Variants in BTRC observed in about 807,000 individuals in gnomAD.
The protein encoded by BTRC is beta-transducin repeat containing E3 ubiquitin protein ligase, also known as F-box/WD repeat-containing protein 1A.
A neutral mutation model predicts 85.5 loss-of-function variants in BTRC; 42 were observed. The observed-to-expected ratio is 0.49, with a 90% CI of 0.38 to 0.64. The LOEUF is 0.64. Ranked by LOEUF, BTRC falls within the 30% of genes least tolerant of loss-of-function variation. The pLI is 0.00. For missense variants in BTRC, 594 were observed against 743.5 expected (o/e 0.80, Z 2.34); for synonymous variants, 255 against 263.3 (o/e 0.97, Z 0.30).
chr10:101,536,623 A>T lies in BTRC; in HGVS notation c.1547A>T (p.Asn516Ile). The stretch of plus-strand genomic sequence containing the variant: ...TTGGTGCGTTGTATTCGATTTGATA[A>T]CAAGAGGATAGTCAGTGGGGCCTAT... ...EELVRCIRFD[N>I]KRIVSGAYDG... The change falls in exon 12 of 15, where the codon AAC (asparagine) becomes ATC (isoleucine). Residue 516 changes from asparagine (N) to isoleucine (I), a missense_variant. By Grantham distance (149) the Asn-to-Ile change is moderately radical. Coordinates refer to ENST00000370187, the MANE Select transcript of BTRC (RefSeq NM_033637.4). 1 of 1,613,694 alleles carries T rather than the reference A, an allele frequency of 6.2e-7. No individual in the cohort carries two copies. The highest frequency in any genetic ancestry group is 8.5e-7 in the Non-Finnish European group (1 of 1,179,620).
chr10:101,498,431 A>G (rs906536985), intron 4 of BTRC, among the ~76,000 whole-genome samples: 7 of 152,122 alleles, frequency 4.6e-5, no homozygotes, highest in African/African-American at 7.2e-5. Flanking sequence ...CTGTGATTAC[A>G]GGTGTGAGCC....
At chr10:101,419,604 G>A (rs67308822) in intron 1 of BTRC, among the ~76,000 whole-genome samples, 55,504 of 151,872 alleles carry the variant, frequency 0.37, 11,162 homozygotes, top group Middle Eastern at 0.48. Flanking sequence ...TCATCAAAGC[G>A]TGCAAACCAA....
At chr10:101,415,631 T>C (rs1943924781) in intron 1 of BTRC, among the ~76,000 whole-genome samples, 1 of 150,734 alleles carries the variant, frequency 6.6e-6, no homozygotes, top group Non-Finnish European at 1.5e-5. Flanking sequence ...AACCTCTGCC[T>C]CCTGAGTTCA....
chr10:101,546,567 A>G (rs1475791926), intron 13 of BTRC, among the ~76,000 whole-genome samples: 1 of 152,248 alleles, frequency 6.6e-6, no homozygotes, highest in Non-Finnish European at 1.5e-5. Flanking sequence ...AGGGAAATTT[A>G]TAGCACTGAA....
chr10:101,356,171 T>G (rs1942028205), intron 1 of BTRC, among the ~76,000 whole-genome samples: 2 of 152,146 alleles, frequency 1.3e-5, no homozygotes, highest in African/African-American at 4.8e-5. Context: ...CCCATCTAAT[T>G]TTTTATTTTT....
At chr10:101,423,568 C>T (rs1460541931) in intron 1 of BTRC, among the ~76,000 whole-genome samples, 2 of 152,120 alleles carry the variant, frequency 1.3e-5, no homozygotes, top group African/African-American at 2.4e-5. Context: ...GTGTAAACTA[C>T]TTGAGTCTGT....
intron 4 of BTRC, among the ~76,000 whole-genome samples, chr10:101,498,552 G>T (rs1029711154): frequency 1.3e-5 from 2 of 152,094 alleles, no homozygotes; most frequent in Non-Finnish European, 2.9e-5. Flanking sequence ...GGCCACACAG[G>T]TTAGCACATT....
At chr10:101,468,191 T>G (rs942490053) in intron 3 of BTRC, among the ~76,000 whole-genome samples, 1 of 152,182 alleles carries the variant, frequency 6.6e-6, no homozygotes, top group Admixed American at 6.6e-5. Flanking sequence ...TAATCATTCT[T>G]TGATAAATTG....
At chr10:101,444,255 T>C (rs1017100687) in intron 2 of BTRC, among the ~76,000 whole-genome samples, 1 of 152,198 alleles carries the variant, frequency 6.6e-6, no homozygotes, top group Non-Finnish European at 1.5e-5. Flanking sequence ...AAAGAGATGA[T>C]AATATTTGTT....
At chr10:101,492,822 T>C (rs1946167439) in intron 4 of BTRC, among the ~76,000 whole-genome samples, 1 of 152,182 alleles carries the variant, frequency 6.6e-6, no homozygotes, top group Admixed American at 6.5e-5. Context: ...GTTTTGTGGA[T>C]ATGGTATGCT....
At chr10:101,538,494 G>GACAACCAGTCAT in intron 13 of BTRC, 123 bp downstream of exon 13, 2 of 820,704 alleles carry the variant, frequency 2.4e-6, no homozygotes, top group Non-Finnish European at 4.1e-6. Context: ...ACAACTAAGT[G>GACAACCAGTCAT]GTAAGGCAAC....
intron 5 of BTRC, among the ~76,000 whole-genome samples, chr10:101,522,237 TC>T (rs144045645): frequency 0.065 from 9,578 of 147,434 alleles, 331 homozygotes; most frequent in Non-Finnish European, 0.073. Context: ...AGATGGGGTT[TC>T]ACCATGTTAG....
At chr10:101,511,346 G>T (rs747972339) in intron 4 of BTRC, among the ~76,000 whole-genome samples, 16 of 152,096 alleles carry the variant, frequency 1.1e-4, no homozygotes, top group Non-Finnish European at 2.2e-4. Context: ...CAGCTCAGGT[G>T]TCACTTCCTT....
intron 4 of BTRC, among the ~76,000 whole-genome samples, chr10:101,501,240 A>G (rs933151427): frequency 6.6e-6 from 1 of 152,196 alleles, no homozygotes; most frequent in Non-Finnish European, 1.5e-5. Flanking sequence ...GGTTTTAAGT[A>G]AGAACATGTG....
rs565962709 is a variant in BTRC, at chr10:101,508,334, A to G, written c.325-13305A>G. Among the ~76,000 whole-genome samples, 9 of 152,328 alleles carry G rather than the reference A, an allele frequency of 5.9e-5. No individual in the cohort carries two copies. In the South Asian group the frequency reaches 1.9e-3, roughly 32 times the overall value. ...TGGTTATTAGAAATCATTCAGATTC[A>G]TAATGTGAACTTTCCCTCTACTGAC... On this transcript the variant is annotated intron_variant, in intron 4 of 14. Coordinates refer to ENST00000370187, the MANE Select transcript of BTRC (RefSeq NM_033637.4).
chr10:101,518,269 A>G (rs146310755), intron 4 of BTRC, among the ~76,000 whole-genome samples: 79 of 152,296 alleles, frequency 5.2e-4, no homozygotes, highest in Non-Finnish European at 7.8e-4. Context: ...TTAAAGGACC[A>G]CATAGCAGTG....
intron 1 of BTRC, among the ~76,000 whole-genome samples, chr10:101,389,191 G>A (rs1020929564): frequency 2.6e-5 from 3 of 115,726 alleles, no homozygotes; most frequent in Non-Finnish European, 4.9e-5. Context: ...CATTTATCCA[G>A]TTACTGAAGC....
At chr10:101,423,577 G>T (rs1944166901) in intron 1 of BTRC, among the ~76,000 whole-genome samples, 1 of 152,206 alleles carries the variant, frequency 6.6e-6, no homozygotes. Flanking sequence ...ACTTGAGTCT[G>T]TGGATTTGTG....
chr10:101,515,042 A>G (rs1348116661), intron 4 of BTRC, among the ~76,000 whole-genome samples: 2 of 151,564 alleles, frequency 1.3e-5, no homozygotes, highest in Non-Finnish European at 2.9e-5. Context: ...TGCAGCCTCC[A>G]CCTCCCGGGT....
Sources: allele counts gnomAD v4.1 joint callset (sites outside exome capture counted in the v4.1 genomes callset), GRCh38; gene constraint gnomAD v4.1.1; transcripts MANE v1.5; gene names NCBI Gene and HGNC (gene_info 2026-07-23, HGNC 2026-07-21).